Variants in EXOC2 observed in about 807,000 individuals in gnomAD.
EXOC2 encodes exocyst complex component 2.
Under a neutral mutation model 131.8 loss-of-function variants are expected in EXOC2, and 70 were observed. The observed-to-expected ratio is 0.53, with a 90% CI of 0.44 to 0.65. The LOEUF is 0.65. Among genes scored for constraint, EXOC2 ranks in the 30% least tolerant of loss-of-function variants. EXOC2 has a pLI of 0.00. For synonymous variants in EXOC2, 411 were observed against 398.4 expected (o/e 1.03, Z -0.38); for missense variants, 923 against 1,108.6 (o/e 0.83, Z 2.38).
intron 15 of EXOC2, 69 bp downstream of exon 15, chr6:564,476 T>C (rs1446253324): frequency 1.3e-6 from 2 of 1,580,232 alleles, no homozygotes; most frequent in Non-Finnish European, 1.7e-6. Context: ...TCACTGAATG[T>C]ATTAATTCTT....
chr6:661,529 T>A (rs1340761841), intron 1 of EXOC2, among the ~76,000 whole-genome samples: 1 of 152,208 alleles, frequency 6.6e-6, no homozygotes, highest in Non-Finnish European at 1.5e-5. Context: ...GAATTTTGTA[T>A]CCATTGAACC....
chr6:659,359 G>A (rs1013415958), intron 1 of EXOC2, among the ~76,000 whole-genome samples: 1 of 152,136 alleles, frequency 6.6e-6, no homozygotes, highest in Non-Finnish European at 1.5e-5. Flanking sequence ...CTTTTTAGGT[G>A]TTTTCCCTAA....
intron 19 of EXOC2, 74 bp from the exon 20 acceptor site, chr6:555,362 A>G (rs980346115): frequency 9.8e-6 from 9 of 915,500 alleles, no homozygotes; most frequent in East Asian, 2.5e-5. Context: ...GACACTAAAG[A>G]TAACTTTACA....
Position 567,501 on chromosome 6 carries a change from C to G in EXOC2, c.1444-2572G>C, listed in dbSNP as rs182147109. On this transcript the variant is annotated intron_variant, in intron 13 of 27. Transcript: ENST00000230449. The stretch of plus-strand genomic sequence containing the variant: ...TTTAAAAAAATTATTTGAGTTCTGT[C>G]TCTAGAAGAGGAAAGGTCATGCTTA... Among the ~76,000 whole-genome samples, 27 of 152,272 alleles carry G rather than the reference C, an allele frequency of 1.8e-4. No homozygotes were observed. The East Asian group carries it at 5.2e-3, about 29-fold the overall frequency.
chr6:652,374 G>A (rs1160788505), intron 1 of EXOC2, among the ~76,000 whole-genome samples: 2 of 152,132 alleles, frequency 1.3e-5, no homozygotes, highest in Non-Finnish European at 2.9e-5. Context: ...ACTACCACAG[G>A]TGGAATTTAG....
chr6:489,185 AAAAGT>A, intron 26 of EXOC2, 147 bp from the exon 27 acceptor site: 1 of 748,606 alleles, frequency 1.3e-6, no homozygotes. Context: ...AAACAATAGA[AAAAGT>A]AAAAGTAAAA....
At chr6:677,932 T>TCACACACACA in intron 1 of EXOC2, among the ~76,000 whole-genome samples, 1 of 77,316 alleles carries the variant, frequency 1.3e-5, no homozygotes, top group African/African-American at 3.9e-5. Context: ...GCTTATAATC[T>TCACACACACA]CTCACACACA....
At chr6:499,955 C>T (rs1265127316) in intron 23 of EXOC2, among the ~76,000 whole-genome samples, 1 of 152,078 alleles carries the variant, frequency 6.6e-6, no homozygotes, top group Admixed American at 6.5e-5. Flanking sequence ...AACTGGCTCT[C>T]AGTCGGCCTC....
At position 486,708 on chromosome 6, in the gene EXOC2, C is replaced by T. The variant is rs1561764115; in HGVS notation, c.2738G>A (p.Cys913Tyr). The T allele has an allele frequency of 6.2e-7, 1 of 1,614,194 alleles. No homozygotes were observed. ...CATGGTTGAAGAAGCTGCTTGGAAA[C>T]AGGTGAGCTGCAAGTGCATGCTACT... Reference protein sequence around the residue: ...FKSSMHLQLTCFQAASSTMMK... With the variant: ...FKSSMHLQLTYFQAASSTMMK... Residue 913 changes from cysteine (C) to tyrosine (Y), a missense_variant, in exon 28 of 28, where the codon TGT becomes TAT. By Grantham distance (194) the Cys-to-Tyr change is radical. Coordinates refer to ENST00000230449, the MANE Select transcript of EXOC2 (RefSeq NM_018303.6).
intron 4 of EXOC2, among the ~76,000 whole-genome samples, chr6:625,914 G>A (rs377748635): frequency 8.7e-5 from 13 of 150,082 alleles, no homozygotes; most frequent in African/African-American, 2.4e-4. Context: ...CTGCCCCTGC[G>A]CCCATATACA....
In EXOC2 at chr6:553,878, G is replaced by A; in HGVS notation, c.2097C>T (p.Ile699=). ...CTGAGGTCAAGCTGAAGTCTTCATG[G>A]ATACTTCCAAACAAGTCAGGGGAAG... ...DVSSPDLFGS[I]HEDFSLTSEQ... is the part of the protein sequence containing the mutation. The change falls in exon 21 of 28, where the codon ATC becomes ATT. Residue 699 remains isoleucine (I), a synonymous_variant. Transcript: ENST00000230449. 6.2e-7 allele frequency: 1 copy of A among 1,613,982 alleles called. No individual in the cohort carries two copies. The highest frequency in any genetic ancestry group is 8.5e-7 in the Non-Finnish European group (1 of 1,179,912).
intron 6 of EXOC2, among the ~76,000 whole-genome samples, chr6:611,440 A>T (rs1760709561): frequency 6.6e-6 from 1 of 152,254 alleles, no homozygotes; most frequent in South Asian, 2.1e-4. Context: ...ATTAGCATTA[A>T]AGGAAATCAT....
intron 25 of EXOC2, among the ~76,000 whole-genome samples, chr6:491,518 C>T (rs1763434130): frequency 6.6e-6 from 1 of 152,254 alleles, no homozygotes; most frequent in South Asian, 2.1e-4. Flanking sequence ...TTTAGTCTTG[C>T]AAGAGGAAAG....
chr6:665,035 T>C (rs955437464), intron 1 of EXOC2, among the ~76,000 whole-genome samples: 1 of 151,944 alleles, frequency 6.6e-6, no homozygotes, highest in Non-Finnish European at 1.5e-5. Context: ...AATCTATACA[T>C]CTGACAAAGG....
At chr6:671,076 G>A (rs972090147) in intron 1 of EXOC2, among the ~76,000 whole-genome samples, 3 of 148,084 alleles carry the variant, frequency 2.0e-5, no homozygotes, top group African/African-American at 7.4e-5. Flanking sequence ...AAAAATTAAG[G>A]CTGGGCATGG....
rs757060314 is a variant in EXOC2 at position 549,177 on chromosome 6, G to T, written c.2236C>A (p.Gln746Lys). 2.2e-5 allele frequency: 36 copies of T among 1,612,372 alleles called. No individual in the cohort carries two copies. The highest frequency in any genetic ancestry group is 3.3e-5 in the Admixed American group (2 of 59,996). ...GCGTTTTACATGAACTCGCTTACCT[G>T]TGTGATTTTTTCTATTCCCTGGAAG... ...HNFQGIEKITQVSMASLKELD... is the reference protein window; with the variant it reads ...HNFQGIEKITKVSMASLKELD... The change falls in exon 22 of 28, where the codon CAG (glutamine) becomes AAG (lysine). Residue 746 changes from glutamine to lysine, a missense_variant and splice_region_variant. By Grantham distance (53) the Gln-to-Lys change is moderately conservative. Transcript: ENST00000230449.
At chr6:488,537 T>C (rs756702398) in intron 27 of EXOC2, among the ~76,000 whole-genome samples, 7 of 152,190 alleles carry the variant, frequency 4.6e-5, no homozygotes, top group Non-Finnish European at 7.3e-5. Flanking sequence ...TCATAACATT[T>C]TGTATTTTAT....
chr6:600,620 T>G (rs929695656), intron 7 of EXOC2, among the ~76,000 whole-genome samples: 6 of 151,982 alleles, frequency 3.9e-5, no homozygotes, highest in Admixed American at 6.5e-5. Flanking sequence ...GCAAAAAGTA[T>G]GAATTCAAAA....
At chr6:578,883 T>C (rs1034528159) in intron 11 of EXOC2, among the ~76,000 whole-genome samples, 3 of 152,192 alleles carry the variant, frequency 2.0e-5, no homozygotes, top group Non-Finnish European at 2.9e-5. Flanking sequence ...CCTTTGAAGT[T>C]TATACAGTTG....
Sources: gnomAD v4.1 joint callset for allele counts (sites outside exome capture counted in the v4.1 genomes callset) on GRCh38, gnomAD v4.1.1 for gene constraint, MANE v1.5 for transcripts, NCBI Gene and HGNC (gene_info 2026-07-23, HGNC 2026-07-21) for gene names.